SPATA16: variants seen among roughly 807,000 people sequenced by gnomAD.
SPATA16 encodes spermatogenesis associated 16, also known as spermatogenesis-associated protein 16.
SPATA16 carries 36 observed loss-of-function variants against 63.3 expected under a neutral mutation model. The observed-to-expected ratio is 0.57, with a 90% CI of 0.44 to 0.75. The LOEUF (loss-of-function observed/expected upper bound fraction) is 0.75, where lower values mean the gene tolerates loss of function less well. Ranked by LOEUF, SPATA16 falls within the 30% of genes least tolerant of loss-of-function variation. The pLI, the probability that SPATA16 is intolerant of heterozygous loss-of-function variation, is 0.00. For synonymous variants in SPATA16, 203 were observed against 216.7 expected, an observed-to-expected ratio of 0.94 and a Z score of 0.56; for missense variants, 646 against 679.3, an observed-to-expected ratio of 0.95 and a Z score of 0.54.
intron 6 of SPATA16, among the ~76,000 whole-genome samples, chr3:172,932,448 A>G (rs901778270): frequency 6.6e-6 from 1 of 152,196 alleles, no homozygotes; most frequent in Non-Finnish European, 1.5e-5. Flanking sequence ...AGATAGGACC[A>G]TGTAAGTTTT....
At chr3:172,997,083 T>C (rs1324068796) in intron 4 of SPATA16, among the ~76,000 whole-genome samples, 1 of 152,202 alleles carries the variant, frequency 6.6e-6, no homozygotes, top group South Asian at 2.1e-4. Flanking sequence ...TGAACAAAGC[T>C]GCTATAAATA....
At chr3:173,008,417 T>A (rs568607827) in intron 4 of SPATA16, among the ~76,000 whole-genome samples, 3 of 152,318 alleles carry the variant, frequency 2.0e-5, no homozygotes, top group African/African-American at 7.2e-5. Context: ...GCTCAGATTG[T>A]GCTAGGCGCT....
chr3:173,019,214 C>T (rs540491885), intron 4 of SPATA16, among the ~76,000 whole-genome samples: 5 of 152,110 alleles, frequency 3.3e-5, no homozygotes, highest in Admixed American at 6.5e-5. Context: ...AGAGGTCAAG[C>T]GCATTTCTAT....
At chr3:173,014,501 G>T (rs925338340) in intron 4 of SPATA16, among the ~76,000 whole-genome samples, 5 of 152,266 alleles carry the variant, frequency 3.3e-5, no homozygotes, top group Admixed American at 6.5e-5. Context: ...CACTACCTGG[G>T]TAACAGGGCC....
intron 2 of SPATA16, among the ~76,000 whole-genome samples, chr3:173,110,403 TAAATATAATTA>T (rs1221266884): frequency 6.6e-6 from 1 of 152,230 alleles, no homozygotes; most frequent in Non-Finnish European, 1.5e-5. Flanking sequence ...GGTTAAATTT[TAAATATAATTA>T]AAAGAAGACT....
At chr3:172,963,959 A>C (rs1341636315) in intron 5 of SPATA16, among the ~76,000 whole-genome samples, 1 of 152,126 alleles carries the variant, frequency 6.6e-6, no homozygotes, top group Non-Finnish European at 1.5e-5. Flanking sequence ...TCAAGTTTTG[A>C]TTCCCTTCTT....
intron 3 of SPATA16, among the ~76,000 whole-genome samples, chr3:173,030,192 A>C (rs1256846771): frequency 6.6e-6 from 1 of 152,014 alleles, no homozygotes; most frequent in Non-Finnish European, 1.5e-5. Flanking sequence ...ATGAAAGTAA[A>C]AATAACTCAC....
intron 1 of SPATA16, among the ~76,000 whole-genome samples, chr3:173,135,784 T>G (rs1163223591): frequency 1.3e-5 from 2 of 152,228 alleles, no homozygotes; most frequent in African/African-American, 4.8e-5. Flanking sequence ...CTTGAGACAG[T>G]GAGTAGTAAC....
chr3:172,944,234 A>G (rs1266729801), intron 6 of SPATA16, among the ~76,000 whole-genome samples: 1 of 152,268 alleles, frequency 6.6e-6, no homozygotes, highest in Non-Finnish European at 1.5e-5. Context: ...AGAAGACATA[A>G]AAATGGCCAA....
At chr3:173,003,583 A>C (rs1734875385) in intron 4 of SPATA16, among the ~76,000 whole-genome samples, 1 of 152,228 alleles carries the variant, frequency 6.6e-6, no homozygotes, top group Non-Finnish European at 1.5e-5. Context: ...TGAGAAACAA[A>C]GATAATACAC....
chr3:173,074,772 T>C (rs1020542503), intron 2 of SPATA16, among the ~76,000 whole-genome samples: 1 of 151,792 alleles, frequency 6.6e-6, no homozygotes, highest in Admixed American at 6.6e-5. Context: ...CTGTGGCAGG[T>C]GGATCACCTG....
At chr3:172,937,640 G>A (rs933056454) in intron 6 of SPATA16, among the ~76,000 whole-genome samples, 1 of 152,196 alleles carries the variant, frequency 6.6e-6, no homozygotes, top group Non-Finnish European at 1.5e-5. Flanking sequence ...GGTCCACATT[G>A]AGGGGTGGGC....
intron 3 of SPATA16, among the ~76,000 whole-genome samples, chr3:173,033,297 A>G (rs997206488): frequency 6.6e-6 from 1 of 152,084 alleles, no homozygotes; most frequent in Non-Finnish European, 1.5e-5. Flanking sequence ...ATAAATTCCC[A>G]TTTATTTCTT....
chr3:172,956,483 A>G (rs1465297860), intron 6 of SPATA16, among the ~76,000 whole-genome samples, 194 bp downstream of exon 6: 1 of 152,162 alleles, frequency 6.6e-6, no homozygotes, highest in African/African-American at 2.4e-5. Flanking sequence ...ATATGAAAGT[A>G]CAAGAAATAT....
At chr3:173,128,123 C>G (rs1738274471) in intron 1 of SPATA16, among the ~76,000 whole-genome samples, 1 of 152,140 alleles carries the variant, frequency 6.6e-6, no homozygotes, top group Admixed American at 6.5e-5. Flanking sequence ...GCGGCACATC[C>G]ATATTTAGTG....
At chr3:173,009,508 G>A (rs891514312) in intron 4 of SPATA16, among the ~76,000 whole-genome samples, 6 of 152,210 alleles carry the variant, frequency 3.9e-5, no homozygotes, top group Admixed American at 1.3e-4. Context: ...CACCACTCAA[G>A]CCCATGTGAA....
chr3:173,090,807 A>C (rs187847558), intron 2 of SPATA16, among the ~76,000 whole-genome samples: 1 of 152,334 alleles, frequency 6.6e-6, no homozygotes, highest in Admixed American at 6.5e-5. Context: ...GGATATGGTA[A>C]AAGTAGAGAC....
intron 5 of SPATA16, among the ~76,000 whole-genome samples, chr3:172,970,266 C>T (rs770536062): frequency 6.6e-6 from 1 of 152,084 alleles, no homozygotes; most frequent in Non-Finnish European, 1.5e-5. Flanking sequence ...CCATTGTCTT[C>T]GAAAGGTACT....
intron 4 of SPATA16, among the ~76,000 whole-genome samples, chr3:173,012,909 T>C (rs966334662): frequency 6.6e-6 from 1 of 152,058 alleles, no homozygotes; most frequent in Non-Finnish European, 1.5e-5. Flanking sequence ...AACATAATAA[T>C]TGACAAGGAG....
Sources: gnomAD v4.1 joint callset for allele counts (sites outside exome capture counted in the v4.1 genomes callset) on GRCh38, gnomAD v4.1.1 for gene constraint, MANE v1.5 for transcripts, NCBI Gene and HGNC (gene_info 2026-07-23, HGNC 2026-07-21) for gene names.